Variants in FAM13A observed in about 807,000 individuals in gnomAD.
FAM13A encodes the protein family with sequence similarity 13 member A.
In FAM13A, 76 loss-of-function variants were observed where a neutral mutation model predicts 129.6. The observed-to-expected ratio is 0.59, with a 90% CI of 0.49 to 0.71. The LOEUF (loss-of-function observed/expected upper bound fraction) is 0.71, where lower values mean the gene tolerates loss of function less well. Among genes scored for constraint, FAM13A ranks in the 30% least tolerant of loss-of-function variants. FAM13A has a pLI of 0.00. For synonymous variants in FAM13A, 443 were observed against 449.9 expected (o/e 0.98, Z 0.20); for missense variants, 1,108 against 1,249.3 (o/e 0.89, Z 1.70).
At chr4:89,007,449 C>T (rs1252055974) in intron 3 of FAM13A, among the ~76,000 whole-genome samples, 1 of 152,146 alleles carries the variant, frequency 6.6e-6, no homozygotes, top group Non-Finnish European at 1.5e-5. Flanking sequence ...GAGTAAGCCA[C>T]CTTGGAAAAA....
chr4:88,976,810 T>C (rs1424921874), intron 4 of FAM13A, among the ~76,000 whole-genome samples: 3 of 133,182 alleles, frequency 2.3e-5, no homozygotes, highest in African/African-American at 8.4e-5. Flanking sequence ...TCTTTTATAG[T>C]GTATCTTTAT....
At chr4:88,729,088 C>CAGAT (rs368718740) in intron 23 of FAM13A, 1 of 115,246 alleles carries the variant, frequency 8.7e-6, no homozygotes, top group African/African-American at 3.5e-5. Context: ...TTTCCAAAAA[C>CAGAT]AGATAGTTAA....
At chr4:88,783,239 T>G (rs937217010) in intron 10 of FAM13A, among the ~76,000 whole-genome samples, 2 of 152,164 alleles carry the variant, frequency 1.3e-5, no homozygotes, top group African/African-American at 4.8e-5. Flanking sequence ...TATGTTTTCG[T>G]ATCCATTAAC....
At chr4:88,772,230 TAG>T (rs1376378272) in intron 11 of FAM13A, among the ~76,000 whole-genome samples, 1 of 152,220 alleles carries the variant, frequency 6.6e-6, no homozygotes, top group African/African-American at 2.4e-5. Context: ...GAATATTTGA[TAG>T]AGTCTCGTTA....
intron 17 of FAM13A, 32 bp from the exon 18 acceptor site, chr4:88,747,883 T>C (rs1031759746): frequency 4.9e-6 from 7 of 1,426,570 alleles, no homozygotes; most frequent in Non-Finnish European, 6.9e-6. Context: ...TAAAGATATA[T>C]GAGATTTATT....
intron 19 of FAM13A, among the ~76,000 whole-genome samples, chr4:88,741,119 C>G (rs1740157671): frequency 6.6e-6 from 1 of 152,164 alleles, no homozygotes; most frequent in Non-Finnish European, 1.5e-5. Flanking sequence ...CCTACTAAAG[C>G]TGAACTTATG....
At chr4:89,042,008 G>C (rs536689858) in intron 1 of FAM13A, among the ~76,000 whole-genome samples, 10 of 152,016 alleles carry the variant, frequency 6.6e-5, no homozygotes, top group African/African-American at 2.2e-4. Context: ...CTCTGATTCT[G>C]TTTGCGCTGG....
At chr4:88,825,840 T>C (rs1732901715) in intron 7 of FAM13A, among the ~76,000 whole-genome samples, 1 of 151,946 alleles carries the variant, frequency 6.6e-6, no homozygotes, top group African/African-American at 2.4e-5. Flanking sequence ...TTTAAAAAAA[T>C]TAATTAATGC....
chr4:88,906,806 C>G (rs1223469408), intron 5 of FAM13A, among the ~76,000 whole-genome samples: 1 of 152,142 alleles, frequency 6.6e-6, no homozygotes, highest in African/African-American at 2.4e-5. Flanking sequence ...GTTAAATCTC[C>G]AAAATATCAA....
At chr4:88,825,547 T>C (rs1732858534) in intron 7 of FAM13A, among the ~76,000 whole-genome samples, 1 of 152,166 alleles carries the variant, frequency 6.6e-6, no homozygotes, top group Non-Finnish European at 1.5e-5. Context: ...ACAAATATTT[T>C]CAGAAATAGT....
At chr4:88,796,189 C>T (rs1002098750) in intron 8 of FAM13A, among the ~76,000 whole-genome samples, 1 of 151,672 alleles carries the variant, frequency 6.6e-6, no homozygotes, top group African/African-American at 2.4e-5. Flanking sequence ...TATAAATTTT[C>T]ATATATACTT....
chr4:88,917,008 C>G (rs1750230622), intron 5 of FAM13A, among the ~76,000 whole-genome samples: 2 of 152,168 alleles, frequency 1.3e-5, no homozygotes, highest in South Asian at 4.1e-4. Context: ...GGTTGAATAA[C>G]TGAATAGACT....
chr4:88,768,364 A>G (rs765627455), intron 11 of FAM13A: 93 of 191,434 alleles, frequency 4.9e-4, no homozygotes, highest in Admixed American at 3.3e-3. Context: ...AAATAGCAAA[A>G]CCCAGATTGT....
Position 89,029,462 on chromosome 4 carries a change from T to A in FAM13A, c.215A>T (p.His72Leu). 1 of 1,597,080 alleles carries A rather than the reference T, an allele frequency of 6.3e-7. No individual in the cohort carries two copies. Among genetic ancestry groups the A allele is most frequent in the East Asian group, 2.3e-5 (1 of 44,388 alleles). ...VWNIVEYLTQ[H>L]GLTQEGLFRV... ...GACTAAAGCATGACTTAACTCACCA[T>A]GCTGCGTCAAATATTCCACTATATT... Residue 72 changes from histidine (H) to leucine (L), a missense_variant and splice_region_variant, in exon 2 of 24, where the codon CAT (histidine) becomes CTT (leucine). By Grantham distance (99) the His-to-Leu change is moderately conservative (BLOSUM62 -3). Transcript: ENST00000264344.
At chr4:88,796,383 G>C (rs1209774200) in intron 8 of FAM13A, among the ~76,000 whole-genome samples, 1 of 151,908 alleles carries the variant, frequency 6.6e-6, no homozygotes, top group African/African-American at 2.4e-5. Flanking sequence ...AAAGATAGCT[G>C]AATAATTTTT....
chr4:88,864,006 G>C (rs1024300921), intron 6 of FAM13A, among the ~76,000 whole-genome samples: 2 of 152,028 alleles, frequency 1.3e-5, no homozygotes, highest in African/African-American at 2.4e-5. Context: ...TTAAGATCAA[G>C]AAGTAAACAA....
intron 8 of FAM13A, among the ~76,000 whole-genome samples, chr4:88,800,013 G>A (rs1267025147): frequency 6.6e-6 from 1 of 152,188 alleles, no homozygotes; most frequent in African/African-American, 2.4e-5. Context: ...CAACATGGAT[G>A]TACCCTGAGG....
At chr4:88,897,202 A>G (rs1410337167) in intron 6 of FAM13A, among the ~76,000 whole-genome samples, 1 of 152,130 alleles carries the variant, frequency 6.6e-6, no homozygotes, top group Non-Finnish European at 1.5e-5. Flanking sequence ...ATACCTCTTT[A>G]TCTAAAAATC....
At chr4:89,044,864 G>A (rs1263346726) in intron 1 of FAM13A, among the ~76,000 whole-genome samples, 1 of 151,740 alleles carries the variant, frequency 6.6e-6, no homozygotes, top group Non-Finnish European at 1.5e-5. Flanking sequence ...GAGATACCTA[G>A]GCTAGGCAAA....
Sources: allele counts gnomAD v4.1 joint callset (sites outside exome capture counted in the v4.1 genomes callset), GRCh38; gene constraint gnomAD v4.1.1; transcripts MANE v1.5; gene names NCBI Gene and HGNC (gene_info 2026-07-23, HGNC 2026-07-21).